MYO15A: variants seen among roughly 807,000 people sequenced by gnomAD.
MYO15A encodes unconventional myosin-XV.
In MYO15A, 308 loss-of-function variants were observed where a neutral mutation model predicts 394.6. That is an observed-to-expected ratio of 0.78 (90% confidence interval 0.71 to 0.86). The LOEUF (loss-of-function observed/expected upper bound fraction) is 0.86, where lower values mean the gene tolerates loss of function less well. Among genes scored for constraint, MYO15A ranks in the 40% least tolerant of loss-of-function variants. MYO15A has a pLI of 0.00. For missense variants in MYO15A, 4,606 were observed against 4,799.1 expected, an observed-to-expected ratio of 0.96 and a Z score of 1.19; for synonymous variants, 1,957 against 2,003.8, an observed-to-expected ratio of 0.98 and a Z score of 0.62.
chr17:18,164,040 C>T lies in MYO15A; in HGVS notation c.9787+202C>T. 4.8e-6 allele frequency: 3 copies of T among 626,988 alleles called. No individual in the cohort carries two copies. In the South Asian group the frequency reaches 5.3e-5, roughly 11 times the overall value. 38.8% of individuals were successfully genotyped at this position (626,988 alleles called of 1,614,324 possible). On this transcript the variant is annotated intron_variant, in intron 60 of 65. Transcript: ENST00000647165. ...GTCCCTTTCTGCTTTGCTTAGTTTGCCTCACCTTATGATGAGAGCCCTCTC... is the reference window on the plus strand; with the variant it reads ...GTCCCTTTCTGCTTTGCTTAGTTTGTCTCACCTTATGATGAGAGCCCTCTC...
At position 18,135,812 on chromosome 17, in the gene MYO15A, C is replaced by G. The variant is rs1217587440; in HGVS notation, c.4584C>G (p.Thr1528=). ...CTGAGGGCCTGCAGAAGGCCATCAC[C>G]TTCAAAGTGACCGTGAGTCTGTGGG... ...ISPEGLQKAI[T]FKVTETMREK... Residue 1528 remains threonine, a synonymous_variant, in exon 13 of 66, where the codon ACC becomes ACG. Transcript: ENST00000647165. 6.2e-7 allele frequency: 1 copy of G among 1,613,780 alleles called. No homozygotes were observed. The highest frequency in any genetic ancestry group is 8.5e-7 in the Non-Finnish European group (1 of 1,179,926).
rs760217388 is a variant in MYO15A, at chr17:18,149,346, G to A, written c.7087G>A (p.Glu2363Lys). The A allele has an allele frequency of 6.2e-7, 1 of 1,608,610 alleles. No homozygotes were observed. The highest frequency in any genetic ancestry group is 1.1e-5 in the South Asian group (1 of 90,354). Residue 2363 changes from glutamate to lysine, a missense_variant, in exon 34 of 66, where the codon GAG becomes AAG. Glu to Lys is a moderately conservative substitution (Grantham distance 56). This residue lies in a region of MYO15A where 2,776 missense variants were observed against 3,109.3 expected (regional missense o/e 0.89). Coordinates refer to ENST00000647165, the MANE Select transcript of MYO15A (RefSeq NM_016239.4). ...TCAGGACGGTACAAATGGGGAGACT[G>A]AGGCCCAAAGAGGGACAGCAACCCA... The part of the protein sequence containing the change: ...HNQDGTNGET[E>K]AQRGTATHQE...
chr17:18,128,310 GAGA>G (rs1389634464), intron 7 of MYO15A, among the ~76,000 whole-genome samples: 1 of 152,188 alleles, frequency 6.6e-6, no homozygotes, highest in Non-Finnish European at 1.5e-5. Flanking sequence ...TGGAGCTCAG[GAGA>G]AGGTGGGACT....
Position 18,150,086 on chromosome 17 carries a change from C to T in MYO15A, c.7213-343C>T. On this transcript the variant is annotated intron_variant, in intron 35 of 65. Coordinates refer to ENST00000647165, the MANE Select transcript of MYO15A (RefSeq NM_016239.4). This position sits in a 1 kb window ranked among gnomAD's most constrained non-coding sequence, Gnocchi z 4.4. ...CCGGGTCTTCTAGCCCCAGATCTCA[C>T]GAGACCCCTCAGGTACCCTTACTCA... is the stretch of plus-strand genomic sequence containing the variant. 5.2e-6 allele frequency: 2 copies of T among 383,282 alleles called. No individual in the cohort carries two copies. The highest frequency in any genetic ancestry group is 5.1e-5 in the South Asian group (2 of 39,440). The allele number at this position is 383,282 out of a possible 1,614,324, so 23.7% of individuals were successfully genotyped here.
intron 15 of MYO15A, 67 bp from the exon 16 acceptor site, chr17:18,137,517 G>A (rs373675144): frequency 2.8e-6 from 4 of 1,447,154 alleles, no homozygotes; most frequent in African/African-American, 1.4e-5. Context: ...TGCCACCAGG[G>A]AAGGTAGGGG....
chr17:18,128,053 C>T (rs886464369), intron 7 of MYO15A, among the ~76,000 whole-genome samples: 6 of 151,702 alleles, frequency 4.0e-5, no homozygotes, highest in Non-Finnish European at 4.4e-5. Context: ...GAGGGAGGAG[C>T]GCCTGCACTT....
At chr17:18,127,630 G>A (rs1348736114) in intron 7 of MYO15A, among the ~76,000 whole-genome samples, 2 of 152,018 alleles carry the variant, frequency 1.3e-5, no homozygotes, top group Admixed American at 1.3e-4. Context: ...CTGAAGGATT[G>A]GAGCTTTGCT....
At chr17:18,133,568 C>A (rs1047721039) in intron 12 of MYO15A, among the ~76,000 whole-genome samples, 182 bp downstream of exon 12, 1 of 152,126 alleles carries the variant, frequency 6.6e-6, no homozygotes, top group Non-Finnish European at 1.5e-5. Context: ...GAAATCAGCC[C>A]TTTGTGTCTG....
At position 18,145,884 on chromosome 17, in the gene MYO15A, A is replaced by T. The variant is rs1470927135; in HGVS notation, c.6286A>T (p.Met2096Leu). ...GTTCGTGGCCCAGATCCTGCGCTTC[A>T]TGGGCGACCCCCACCTGCATGGTGC... The part of the protein sequence containing the change: ...VSIFKLILRF[M>L]GDPHLHGARE... Residue 2096 changes from methionine to leucine, a missense_variant, in exon 30 of 66, where the codon ATG (methionine) becomes TTG (leucine). Transcript: ENST00000647165. 1.2e-6 allele frequency: 2 copies of T among 1,613,266 alleles called. No homozygotes were observed. Among genetic ancestry groups the T allele is most frequent in the Admixed American group, 1.7e-5 (1 of 59,990 alleles).
chr17:18,133,722 T>C (rs2046211819), intron 12 of MYO15A, among the ~76,000 whole-genome samples: 1 of 150,880 alleles, frequency 6.6e-6, no homozygotes, highest in African/African-American at 2.4e-5. Flanking sequence ...GGCTCACTCC[T>C]GTTGGCTCAC....
intron 38 of MYO15A, 26 bp from the exon 39 acceptor site, chr17:18,151,084 C>T (rs1008695606): frequency 1.2e-6 from 2 of 1,613,390 alleles, no homozygotes; most frequent in African/African-American, 2.7e-5. Flanking sequence ...CCCAGGCAGC[C>T]CACCCTCACG....
intron 45 of MYO15A, 129 bp from the exon 46 acceptor site, chr17:18,154,981 G>A: frequency 9.7e-7 from 1 of 1,035,718 alleles, no homozygotes; most frequent in Non-Finnish European, 1.5e-6. Flanking sequence ...CTGGGTTTCA[G>A]TTTTCTAGTA....
intron 8 of MYO15A, 147 bp downstream of exon 8, chr17:18,130,957 G>C: frequency 1.1e-6 from 1 of 938,928 alleles, no homozygotes; most frequent in East Asian, 2.6e-5. Context: ...CCTGTCCTAG[G>C]CAGGGCTGGG....
At position 18,121,400 on chromosome 17, in the gene MYO15A, G is replaced by A; in HGVS notation, c.2600G>A (p.Arg867His). ...PRRSSLNLPS[R>H]LPHTWRRLSE... ...CGCAGCTCCCTGAATCTGCCCTCGC[G>A]CCTCCCGCACACGTGGCGGCGCCTC... The change falls in exon 2 of 66, where the codon CGC becomes CAC. Residue 867 changes from arginine to histidine, a missense_variant. Coordinates refer to ENST00000647165, the MANE Select transcript of MYO15A (RefSeq NM_016239.4). This position sits in a 1 kb window ranked among gnomAD's most constrained non-coding sequence, Gnocchi z 5.3. 2.6e-6 allele frequency: 4 copies of A among 1,536,390 alleles called. No homozygotes were observed. The highest frequency in any genetic ancestry group is 2.4e-5 in the South Asian group (2 of 83,758).
chr17:18,160,486 G>A (rs937345852), intron 56 of MYO15A, among the ~76,000 whole-genome samples: 1 of 152,200 alleles, frequency 6.6e-6, no homozygotes, highest in African/African-American at 2.4e-5. Flanking sequence ...CAACAGCTCA[G>A]CAATCCCAGA....
In MYO15A at chr17:18,163,833, AC is replaced by A; in HGVS notation, c.9784del (p.Arg3262ValfsTer49). On this transcript the variant is annotated frameshift_variant, in exon 60 of 66. Coordinates refer to ENST00000647165, the MANE Select transcript of MYO15A (RefSeq NM_016239.4). LOFTEE classifies it high-confidence loss of function. ...GAATATGTTATCTTCGTTGTCACCA[AC>A]CGTGGTGAGTGCCAGGAAGACTGAG... ...FNEYVIFVVT[N>X]RGQHVCPLSR... The A allele has an allele frequency of 6.2e-7, 1 of 1,613,298 alleles. No homozygotes were observed. Among genetic ancestry groups the A allele is most frequent in the Non-Finnish European group, 8.5e-7 (1 of 1,179,504 alleles).
intron 1 of MYO15A, among the ~76,000 whole-genome samples, chr17:18,112,135 A>G (rs901286453): frequency 4.2e-4 from 64 of 152,118 alleles, no homozygotes; most frequent in African/African-American, 1.4e-3. Context: ...AGGCTCCCCT[A>G]CTTGGGGCAG....
intron 23 of MYO15A, 98 bp from the exon 24 acceptor site, chr17:18,141,981 C>T (rs2046390386): frequency 4.1e-6 from 6 of 1,481,230 alleles, no homozygotes; most frequent in Admixed American, 3.4e-5. Context: ...CAGGAGGCTG[C>T]CCTGCCTATT....
chr17:18,148,195 G>T lies in MYO15A; in HGVS notation c.6676G>T (p.Val2226Leu), dbSNP rs182028641. 2 of 1,613,714 alleles carry T rather than the reference G, an allele frequency of 1.2e-6. No homozygotes were observed. The highest frequency in any genetic ancestry group is 1.1e-5 in the South Asian group (1 of 91,078). Residue 2226 changes from valine to leucine, a missense_variant, in exon 31 of 66, where the codon GTG becomes TTG. This residue lies in a region of MYO15A where 2,776 missense variants were observed against 3,109.3 expected (regional missense o/e 0.89). Coordinates refer to ENST00000647165, the MANE Select transcript of MYO15A (RefSeq NM_016239.4). This position sits in a 1 kb window ranked among gnomAD's most constrained non-coding sequence, Gnocchi z 4.8. ...TGAGAAGGCCAGCATGGCGCTGGAC[G>T]TGGGCTGCTTCAATGGTAAGCTGCC... ...TYEKASMALD[V>L]GCFNGDQFSC...
Sources: allele counts gnomAD v4.1 joint callset (sites outside exome capture counted in the v4.1 genomes callset), GRCh38; gene constraint gnomAD v4.1.1; regional missense constraint gnomAD v4.1.1; non-coding constraint Gnocchi (gnomAD v3.1); transcripts MANE v1.5; gene names NCBI Gene and HGNC (gene_info 2026-07-23, HGNC 2026-07-21).